YARS1: variants seen among roughly 807,000 people sequenced by gnomAD.
The protein encoded by YARS1 is tyrosine--tRNA ligase, cytoplasmic.
Under a neutral mutation model 62.2 loss-of-function variants are expected in YARS1, and 36 were observed. That is an observed-to-expected ratio of 0.58 (90% CI 0.44 to 0.76). The LOEUF (loss-of-function observed/expected upper bound fraction) is 0.76. Ranked by LOEUF, YARS1 falls within the 30% of genes least tolerant of loss-of-function variation. YARS1 has a pLI of 0.00. For synonymous variants in YARS1, 234 were observed against 244.9 expected (o/e 0.96, Z 0.42); for missense variants, 524 against 639.8 (o/e 0.82, Z 1.95).
At chr1:32,808,866 T>C (rs1329019578) in intron 3 of YARS1, among the ~76,000 whole-genome samples, 1 of 152,218 alleles carries the variant, frequency 6.6e-6, no homozygotes, top group Non-Finnish European at 1.5e-5. Context: ...ACTCATTATT[T>C]ACTGTCTGTA....
At chr1:32,800,075 C>T (rs1187783315) in intron 4 of YARS1, among the ~76,000 whole-genome samples, 5 of 152,006 alleles carry the variant, frequency 3.3e-5, no homozygotes, top group East Asian at 3.9e-4. Flanking sequence ...CCACCTCCTG[C>T]GTTCAAGCGA....
At chr1:32,798,451 A>G (rs1653674341) in intron 4 of YARS1, among the ~76,000 whole-genome samples, 1 of 152,252 alleles carries the variant, frequency 6.6e-6, no homozygotes, top group South Asian at 2.1e-4. Flanking sequence ...TGCCAAAGGT[A>G]TTCTACTGAA....
At chr1:32,803,885 C>A (rs965413828) in intron 4 of YARS1, among the ~76,000 whole-genome samples, 2 of 152,086 alleles carry the variant, frequency 1.3e-5, no homozygotes, top group Non-Finnish European at 2.9e-5. Flanking sequence ...GAGGACCCTG[C>A]GGCCTTCCGC....
intron 10 of YARS1, chr1:32,780,763 C>T (rs994346948): frequency 9.1e-5 from 44 of 484,516 alleles, no homozygotes; most frequent in Non-Finnish European, 1.6e-4. Flanking sequence ...CCAGGCAAGC[C>T]GATAGGGATC....
chr1:32,775,773 TA>T lies in YARS1; in HGVS notation c.*207del, dbSNP rs1652835772. 1.7e-6 allele frequency: 1 copy of T among 601,906 alleles called. No homozygotes were observed. The highest frequency in any genetic ancestry group is 3.0e-6 in the Non-Finnish European group (1 of 335,490). The allele number at this position is 601,906 out of a possible 1,614,324, so 37.3% of individuals were successfully genotyped here. A position where few individuals can be genotyped will look rare whatever the true frequency, so the allele number is the denominator to read the frequency against. On this transcript the variant is annotated 3_prime_UTR_variant, in exon 13 of 13. Coordinates refer to ENST00000373477, the MANE Select transcript of YARS1 (RefSeq NM_003680.4). ...CTCCCTGCTGTGGCCCAGCCCTTGT[TA>T]GGGGTTGGTCTCTCACTGCAGCCAG...
rs1652860341 is a variant in YARS1 at position 32,776,359 on chromosome 1, C to G, written c.1477-268G>C. ...ACGGGGTTTCTCCATGTTGGTCAGG[C>G]TGGTCTTGAACTCCTGACCTCAAGT... On this transcript the variant is annotated intron_variant, in intron 12 of 12. Transcript: ENST00000373477. The surrounding 1 kb of genome is among the most constrained non-coding windows in gnomAD (Gnocchi z 4.0). Among the ~76,000 whole-genome samples, 1 of 152,084 alleles carries G rather than the reference C, an allele frequency of 6.6e-6. No individual in the cohort carries two copies. Among genetic ancestry groups the G allele is most frequent in the African/African-American group, 2.4e-5 (1 of 41,426 alleles).
At chr1:32,815,221 C>T (rs1397625380) in intron 1 of YARS1, among the ~76,000 whole-genome samples, 2 of 152,030 alleles carry the variant, frequency 1.3e-5, no homozygotes, top group African/African-American at 4.8e-5. Context: ...TGGTGGTGCA[C>T]GTCTGTAATC....
chr1:32,800,083 C>T (rs564660652), intron 4 of YARS1, among the ~76,000 whole-genome samples: 3 of 152,158 alleles, frequency 2.0e-5, no homozygotes, highest in East Asian at 3.9e-4. Flanking sequence ...TGCGTTCAAG[C>T]GATTCTCCCA....
chr1:32,781,252 C>A, intron 9 of YARS1, 107 bp from the exon 10 acceptor site: 2 of 933,608 alleles, frequency 2.1e-6, no homozygotes, highest in South Asian at 2.6e-5. Flanking sequence ...AGTGTAGAAT[C>A]CCCAGAGTCT....
intron 1 of YARS1, among the ~76,000 whole-genome samples, chr1:32,812,828 C>T (rs1196844619): frequency 6.6e-6 from 1 of 152,034 alleles, no homozygotes; most frequent in African/African-American, 2.4e-5. Flanking sequence ...ATTAGCAGGG[C>T]ATGGTGGCAG....
chr1:32,784,917 C>A (rs1297318613), intron 8 of YARS1, among the ~76,000 whole-genome samples: 2 of 152,086 alleles, frequency 1.3e-5, no homozygotes, highest in African/African-American at 2.4e-5. Flanking sequence ...GTTCAAGTGT[C>A]TGTTGAAATG....
At chr1:32,795,005 A>G (rs1257471088) in intron 5 of YARS1, among the ~76,000 whole-genome samples, 2 of 128,654 alleles carry the variant, frequency 1.6e-5, no homozygotes, top group African/African-American at 2.6e-5. Context: ...TCTGTCTCAA[A>G]AAAAAAAAAA....
chr1:32,790,909 G>T lies in YARS1; in HGVS notation c.684+253C>A, dbSNP rs549972766. 1.1e-4 allele frequency: 52 copies of T among 469,608 alleles called. 1 individual carries two copies. The highest frequency in any genetic ancestry group is 6.1e-4 in the Admixed American group (18 of 29,372). 29.1% of individuals were successfully genotyped at this position (469,608 alleles called of 1,614,324 possible). A position where few individuals can be genotyped will look rare whatever the true frequency, so the allele number is the denominator to read the frequency against. ...AATAAGGCTGAATTTCATCACAGTCGTATGAACAAAGACATTACTTTTGCT... is the reference window on the plus strand; with the variant it reads ...AATAAGGCTGAATTTCATCACAGTCTTATGAACAAAGACATTACTTTTGCT... On this transcript the variant is annotated intron_variant, in intron 6 of 12. Transcript: ENST00000373477.
At chr1:32,791,039 G>T in intron 6 of YARS1, 123 bp downstream of exon 6, 1 of 920,526 alleles carries the variant, frequency 1.1e-6, no homozygotes, top group Non-Finnish European at 1.8e-6. Context: ...ATTGAATGGT[G>T]TAAGGCTCCT....
intron 11 of YARS1, chr1:32,779,758 G>A (rs1652992044): frequency 4.8e-6 from 3 of 629,812 alleles, no homozygotes; most frequent in East Asian, 5.5e-5. Flanking sequence ...GTTTCTAGGG[G>A]AGGAAGTATA....
At chr1:32,807,745 G>T (rs1483687706) in intron 3 of YARS1, among the ~76,000 whole-genome samples, 1 of 152,004 alleles carries the variant, frequency 6.6e-6, no homozygotes, top group African/African-American at 2.4e-5. Context: ...AGCCACAGTA[G>T]CGGGCTTGTT....
intron 6 of YARS1, among the ~76,000 whole-genome samples, chr1:32,787,869 CACTT>C (rs1262488076): frequency 6.6e-6 from 1 of 152,140 alleles, no homozygotes; most frequent in Non-Finnish European, 1.5e-5. Flanking sequence ...GTAGTCTTAT[CACTT>C]TGGGAGGCTG....
At position 32,810,562 on chromosome 1, in the gene YARS1, A is replaced by G. The variant is rs781423213; in HGVS notation, c.380+29T>C. Reference sequence around the variant, plus strand: ...GTAATTAGCTAGAAGCACCAGAGCCACAAGGAGGGTGGATGATCAAGCACT... The same window carrying G: ...GTAATTAGCTAGAAGCACCAGAGCCGCAAGGAGGGTGGATGATCAAGCACT... On this transcript the variant is annotated intron_variant, in intron 3 of 12. Transcript: ENST00000373477. 5 of 1,612,182 alleles carry G rather than the reference A, an allele frequency of 3.1e-6. No homozygotes were observed. The African/African-American group carries it at 4.0e-5, about 13-fold the overall frequency.
intron 1 of YARS1, chr1:32,811,629 G>T (rs1476299424): frequency 4.4e-5 from 7 of 159,238 alleles, no homozygotes; most frequent in African/African-American, 1.7e-4. Flanking sequence ...CTAAACCAAA[G>T]TATAAAAGAA....
Sources: allele counts gnomAD v4.1 joint callset (sites outside exome capture counted in the v4.1 genomes callset), GRCh38; gene constraint gnomAD v4.1.1; non-coding constraint Gnocchi (gnomAD v3.1); transcripts MANE v1.5; gene names NCBI Gene and HGNC (gene_info 2026-07-23, HGNC 2026-07-21).